TRDN: variants seen among roughly 807,000 people sequenced by gnomAD.
TRDN encodes triadin in skeletal muscle.
Under a neutral mutation model 149.7 loss-of-function variants are expected in TRDN, and 161 were observed. The ratio of observed to expected loss-of-function variants is 1.08; its 90% CI spans 0.95 to 1.23. The LOEUF (loss-of-function observed/expected upper bound fraction) is 1.23. Ranked by LOEUF, TRDN falls within the 50% of genes most tolerant of loss-of-function variation. TRDN has a pLI of 0.00. For synonymous variants in TRDN, 294 were observed against 250.5 expected (o/e 1.17, Z -1.64); for missense variants, 896 against 823.5 (o/e 1.09, Z -1.08).
chr6:123,418,967 T>C (rs74508996), intron 12 of TRDN, among the ~76,000 whole-genome samples: 5,986 of 152,112 alleles, frequency 0.039, 199 homozygotes, highest in Non-Finnish European at 0.063. Flanking sequence ...TAATCGCTGA[T>C]GGGAAGAGAG....
intron 38 of TRDN, among the ~76,000 whole-genome samples, chr6:123,228,545 T>C (rs971422405): frequency 5.9e-5 from 9 of 151,904 alleles, no homozygotes; most frequent in African/African-American, 2.2e-4. Context: ...AACCCTCAGA[T>C]CTCCTGAGAA....
Position 123,267,739 on chromosome 6 carries a change from T to C in TRDN, c.1751A>G (p.His584Arg). 1.3e-6 allele frequency: 2 copies of C among 1,577,448 alleles called. No individual in the cohort carries two copies. The highest frequency in any genetic ancestry group is 3.6e-5 in the Admixed American group (2 of 55,624). Residue 584 changes from histidine (H) to arginine (R), a missense_variant, in exon 32 of 41, where the codon CAT (histidine) becomes CGT (arginine). His to Arg is a conservative substitution (Grantham distance 29, BLOSUM62 0). Coordinates refer to ENST00000334268, the MANE Select transcript of TRDN (RefSeq NM_006073.4). ...TATAGATGGAGGTTCTCTTTCTCGATGTTCAGCTTTTTCTAGAGAAAGAAA... is the reference window on the plus strand; with the variant it reads ...TATAGATGGAGGTTCTCTTTCTCGACGTTCAGCTTTTTCTAGAGAAAGAAA... The part of the protein sequence containing the change: ...AKPKPTKKAE[H>R]REREPPSIKT...
chr6:123,295,494 C>T (rs1249988855), intron 24 of TRDN, among the ~76,000 whole-genome samples: 2 of 152,036 alleles, frequency 1.3e-5, no homozygotes, highest in Admixed American at 6.6e-5. Context: ...CTCACCTGCC[C>T]TGCATCTATA....
intron 21 of TRDN, 137 bp downstream of exon 21, chr6:123,352,402 A>G: frequency 7.2e-7 from 1 of 1,395,090 alleles, no homozygotes; most frequent in Non-Finnish European, 9.3e-7. Context: ...CCTGGCACAG[A>G]AAAACATGCA....
rs568973538 is a variant in TRDN, at chr6:123,548,370, T to A, written c.391+84A>T. 26 of 1,179,288 alleles carry A rather than the reference T, an allele frequency of 2.2e-5. No individual in the cohort carries two copies. In the African/African-American group the frequency reaches 3.2e-4, roughly 14 times the overall value. 73.1% of individuals were successfully genotyped at this position (1,179,288 alleles called of 1,614,324 possible). ...TGGTTTAGCTTGACCCAAGTGCTCA[T>A]TTGAATTTAAACTGAGGCAAGCCAC... On this transcript the variant is annotated intron_variant, in intron 3 of 40. Transcript: ENST00000334268.
chr6:123,242,749 G>T (rs1156514480), intron 38 of TRDN, among the ~76,000 whole-genome samples: 1 of 152,160 alleles, frequency 6.6e-6, no homozygotes, highest in South Asian at 2.1e-4. Context: ...GGAATATGGG[G>T]AAAGTGTAAG....
chr6:123,312,983 T>A (rs1396266724), intron 24 of TRDN, among the ~76,000 whole-genome samples: 2 of 152,024 alleles, frequency 1.3e-5, no homozygotes, highest in Non-Finnish European at 2.9e-5. Flanking sequence ...TAATAAAAAA[T>A]GCCTTAATGC....
intron 4 of TRDN, among the ~76,000 whole-genome samples, chr6:123,537,867 G>A (rs181709300): frequency 1.7e-3 from 266 of 152,220 alleles, no homozygotes; most frequent in Non-Finnish European, 3.1e-3. Context: ...GCTTATGATC[G>A]TTTTTATCTA....
rs117334409 is a variant in TRDN at position 123,244,623 on chromosome 6, C to T, written c.1975+7789G>A. On this transcript the variant is annotated intron_variant, in intron 38 of 40. Transcript: ENST00000334268. ...AAAAGACCAAACCTATGTTTAATTG[C>T]GGTATTTAAAGTGACGGGGAGAATG... Among the ~76,000 whole-genome samples, 1,334 of 151,988 alleles carry T rather than the reference C, an allele frequency of 8.8e-3. 30 individuals carry two copies. The highest frequency in any genetic ancestry group is 0.077 in the South Asian group (369 of 4,806).
At chr6:123,436,992 C>A (rs1351424518) in intron 12 of TRDN, among the ~76,000 whole-genome samples, 1 of 152,082 alleles carries the variant, frequency 6.6e-6, no homozygotes, top group Non-Finnish European at 1.5e-5. Flanking sequence ...TGCTTATCAC[C>A]AAACCATAAT....
chr6:123,448,081 A>ACTGAGAG (rs1345359266), intron 10 of TRDN, among the ~76,000 whole-genome samples: 4 of 152,212 alleles, frequency 2.6e-5, no homozygotes, highest in Non-Finnish European at 5.9e-5. Context: ...GCAGAAAGAC[A>ACTGAGAG]CTGAGAGCTC....
intron 9 of TRDN, among the ~76,000 whole-genome samples, chr6:123,483,319 G>A (rs1404693773): frequency 6.6e-6 from 1 of 151,576 alleles, no homozygotes; most frequent in South Asian, 2.1e-4. Context: ...AGCCAGGATG[G>A]TCTCGGTCTC....
chr6:123,443,930 G>A lies in TRDN; in HGVS notation c.932-4927C>T, dbSNP rs1422357491. Among the ~76,000 whole-genome samples, 5 of 150,998 alleles carry A rather than the reference G, an allele frequency of 3.3e-5. No homozygotes were observed. In the South Asian group the frequency reaches 8.4e-4, roughly 25 times the overall value. ...CTGTTTTGGTTACTGTAGCCTTGTA[G>A]TATAGTTTGAAGTCAGGTAGTGTGA... On this transcript the variant is annotated intron_variant, in intron 10 of 40. Transcript: ENST00000334268.
At position 123,226,333 on chromosome 6, in the gene TRDN, G is replaced by T. The variant is rs539668455; in HGVS notation, c.1976-2202C>A. The stretch of plus-strand genomic sequence containing the variant: ...AATAATATCTTAATTGTGTAATAAG[G>T]TCCTATTAATTCCTATGAAAGTTCT... On this transcript the variant is annotated intron_variant, in intron 38 of 40. Transcript: ENST00000334268. Among the ~76,000 whole-genome samples the T allele has an allele frequency of 1.1e-4, 16 of 151,804 alleles. No homozygotes were observed. The South Asian group carries it at 3.3e-3, about 32-fold the overall frequency.
chr6:123,567,849 C>T (rs111679989), intron 2 of TRDN, among the ~76,000 whole-genome samples: 1,761 of 152,204 alleles, frequency 0.012, 38 homozygotes, highest in African/African-American at 0.041. Context: ...ATAATTTTAT[C>T]TCTGGCCCCT....
At chr6:123,412,942 C>CA (rs1271591063) in intron 12 of TRDN, among the ~76,000 whole-genome samples, 1 of 151,958 alleles carries the variant, frequency 6.6e-6, no homozygotes, top group Non-Finnish European at 1.5e-5. Context: ...TTGGAATCCC[C>CA]AAAAAATATC....
In TRDN at chr6:123,304,252, CTTTT is replaced by C. The variant is rs71649806; in HGVS notation, c.1510+12201_1510+12204del. 7.0e-5 allele frequency among the ~76,000 whole-genome samples: 9 copies of C among 128,954 alleles called. 2 individuals carry two copies. Among genetic ancestry groups the C allele is most frequent in the East Asian group, 2.3e-4 (1 of 4,318 alleles). 84.6% of individuals were successfully genotyped at this position (128,954 alleles called of 152,430 possible). On this transcript the variant is annotated intron_variant, in intron 24 of 40. Coordinates refer to ENST00000334268, the MANE Select transcript of TRDN (RefSeq NM_006073.4). ...ATGAATATTAATTTTCTTTTATTTT[CTTTT>C]TTTTTTTTTTTTTTTGAGACGGAGT...
chr6:123,585,713 G>A (rs915700113), intron 1 of TRDN, among the ~76,000 whole-genome samples: 1 of 152,108 alleles, frequency 6.6e-6, no homozygotes, highest in Admixed American at 6.5e-5. Flanking sequence ...TGGGCTGCAG[G>A]CATTCCTTGG....
intron 9 of TRDN, among the ~76,000 whole-genome samples, chr6:123,469,158 G>A (rs1777006919): frequency 6.6e-6 from 1 of 152,124 alleles, no homozygotes; most frequent in African/African-American, 2.4e-5. Context: ...AAGTTTCCTA[G>A]ACTACTTTTG....
Sources: allele counts gnomAD v4.1 joint callset (sites outside exome capture counted in the v4.1 genomes callset), GRCh38; gene constraint gnomAD v4.1.1; transcripts MANE v1.5; gene names NCBI Gene and HGNC (gene_info 2026-07-23, HGNC 2026-07-21).